The following SUPT20H variants were observed in gnomAD, a reference collection of about 807,000 sequenced individuals.
SUPT20H encodes the protein transcription factor SPT20 homolog.
A neutral mutation model predicts 122.8 loss-of-function variants in SUPT20H; 82 were observed. The ratio of observed to expected loss-of-function variants is 0.67; its 90% CI spans 0.56 to 0.80. The LOEUF (loss-of-function observed/expected upper bound fraction) is 0.80, where lower values mean the gene tolerates loss of function less well. Among genes scored for constraint, SUPT20H ranks in the 30% least tolerant of loss-of-function variants. The pLI is 0.00. For synonymous variants in SUPT20H, 291 were observed against 313.0 expected (o/e 0.93, Z 0.74); for missense variants, 831 against 921.6 (o/e 0.90, Z 1.27).
At chr13:37,030,946 G>A (rs2063189069) in intron 12 of SUPT20H, among the ~76,000 whole-genome samples, 1 of 151,970 alleles carries the variant, frequency 6.6e-6, no homozygotes, top group Non-Finnish European at 1.5e-5. Flanking sequence ...CATGGAAAGG[G>A]TGCAACAGAA....
At chr13:37,021,631 C>G in intron 20 of SUPT20H, 29 bp from the exon 21 acceptor site, 1 of 1,575,000 alleles carries the variant, frequency 6.3e-7, no homozygotes, top group Non-Finnish European at 8.6e-7. Context: ...AAGCATTAAA[C>G]TTCACTGTAA....
chr13:37,038,771 A>T (rs2064957699), intron 9 of SUPT20H: 1 of 152,228 alleles, frequency 6.6e-6, no homozygotes, highest in South Asian at 2.1e-4. Context: ...ACCAAAATAA[A>T]CATGTACTAA....
At chr13:37,027,168 C>A (rs1378796769) in intron 14 of SUPT20H, among the ~76,000 whole-genome samples, 1 of 151,918 alleles carries the variant, frequency 6.6e-6, no homozygotes, top group Non-Finnish European at 1.5e-5. Context: ...ATGGGATCAG[C>A]AGACACCCAC....
chr13:37,059,011 G>T (rs934387257), intron 1 of SUPT20H, among the ~76,000 whole-genome samples: 4 of 152,138 alleles, frequency 2.6e-5, no homozygotes, highest in African/African-American at 2.4e-5. Context: ...CAGTGGCTAC[G>T]GGAGATGGCT....
In SUPT20H at chr13:37,022,245, C is replaced by A; in HGVS notation, c.1592-165G>T. 1 of 1,546,518 alleles carries A rather than the reference C, an allele frequency of 6.5e-7. No individual in the cohort carries two copies. The highest frequency in any genetic ancestry group is 8.7e-7 in the Non-Finnish European group (1 of 1,144,954). On this transcript the variant is annotated intron_variant, in intron 19 of 25. Transcript: ENST00000350612. The surrounding 1 kb of genome is among the most constrained non-coding windows in gnomAD (Gnocchi z 4.5). ...GGCTGAAGGGGTACTAGGAGTTGAG[C>A]TCTGAGCATCAGGAGGGTGTGGGGT... is the stretch of plus-strand genomic sequence containing the variant.
At chr13:37,021,779 T>C (rs1031018640) in intron 20 of SUPT20H, among the ~76,000 whole-genome samples, 177 bp from the exon 21 acceptor site, 21 of 152,158 alleles carry the variant, frequency 1.4e-4, no homozygotes, top group African/African-American at 5.1e-4. Flanking sequence ...GCTGTCAAGA[T>C]GAAGTATCAA....
At chr13:37,021,336 C>T in intron 21 of SUPT20H, 112 bp downstream of exon 21, 3 of 1,135,846 alleles carry the variant, frequency 2.6e-6, no homozygotes, top group Non-Finnish European at 3.5e-6. Context: ...TGTGATACAA[C>T]ACTTCATGAA....
intron 6 of SUPT20H, 104 bp from the exon 7 acceptor site, chr13:37,044,285 C>A: frequency 1.3e-6 from 1 of 765,114 alleles, no homozygotes. Context: ...AACCAAAAGG[C>A]ATTTCAACCA....
intron 13 of SUPT20H, 121 bp from the exon 14 acceptor site, chr13:37,028,426 CT>C: frequency 1.1e-6 from 1 of 897,472 alleles, no homozygotes. Flanking sequence ...ACACACAGCA[CT>C]TAGGCTACAA....
chr13:37,014,138 AAAAG>A (rs1476750830), intron 23 of SUPT20H, among the ~76,000 whole-genome samples: 4 of 152,136 alleles, frequency 2.6e-5, no homozygotes, highest in African/African-American at 9.6e-5. Context: ...AACGTTAATC[AAAAG>A]AAAGAAACAA....
chr13:37,054,234 T>A (rs1165492940), intron 1 of SUPT20H, among the ~76,000 whole-genome samples: 2 of 152,042 alleles, frequency 1.3e-5, no homozygotes, highest in Non-Finnish European at 2.9e-5. Flanking sequence ...TTCCAATCAA[T>A]GGAAAAAGAG....
chr13:37,031,845 G>A lies in SUPT20H; in HGVS notation c.758C>T (p.Ser253Phe), dbSNP rs2063389875. ...RSSLNRQQDL[S>F]HCPPPPQLRL... is the part of the protein sequence containing the mutation. ...CAGCTGAGGAGGAGGTGGACAATGA[G>A]ATAGATCTTGCTGCCGATTCAGAGA... The change falls in exon 11 of 26, where the codon TCT (serine) becomes TTT (phenylalanine). Residue 253 changes from serine (S) to phenylalanine (F), a missense_variant. Coordinates refer to ENST00000350612, the MANE Select transcript of SUPT20H (RefSeq NM_001014286.3). 3.1e-6 allele frequency: 5 copies of A among 1,606,170 alleles called. No homozygotes were observed. The East Asian group carries it at 1.1e-4, about 36-fold the overall frequency.
chr13:37,033,850 G>C (rs1277434558), intron 9 of SUPT20H, among the ~76,000 whole-genome samples: 2 of 152,180 alleles, frequency 1.3e-5, no homozygotes, highest in Non-Finnish European at 2.9e-5. Flanking sequence ...TTGAAGATCT[G>C]TGGCAATTTT....
At chr13:37,036,865 C>A (rs1417108285) in intron 9 of SUPT20H, among the ~76,000 whole-genome samples, 2 of 151,982 alleles carry the variant, frequency 1.3e-5, no homozygotes, top group Non-Finnish European at 1.5e-5. Context: ...ACAGTTAATT[C>A]TAAGAATACA....
intron 2 of SUPT20H, among the ~76,000 whole-genome samples, chr13:37,050,051 A>G (rs1251910621): frequency 6.6e-6 from 1 of 152,172 alleles, no homozygotes; most frequent in Non-Finnish European, 1.5e-5. Flanking sequence ...CTTTTAAGTG[A>G]CCACCTAGTC....
chr13:37,016,429 CAA>C (rs66581438), intron 23 of SUPT20H, among the ~76,000 whole-genome samples: 257 of 139,700 alleles, frequency 1.8e-3, no homozygotes, highest in East Asian at 5.1e-3. Flanking sequence ...GACTCTGTCT[CAA>C]AAAAAAAAAA....
chr13:37,021,023 G>A (rs2061392357), intron 21 of SUPT20H, among the ~76,000 whole-genome samples: 2 of 52,614 alleles, frequency 3.8e-5, no homozygotes, highest in Admixed American at 5.1e-4. Flanking sequence ...ACTTTCTCAA[G>A]ATGACACAAA....
chr13:37,020,596 C>T (rs561023890), intron 21 of SUPT20H, among the ~76,000 whole-genome samples: 3 of 152,188 alleles, frequency 2.0e-5, no homozygotes, highest in Admixed American at 1.3e-4. Flanking sequence ...CAGGACTTCT[C>T]GCACTAAGGC....
At chr13:37,010,448 A>G in intron 25 of SUPT20H, 104 bp downstream of exon 25, 2 of 1,001,808 alleles carry the variant, frequency 2.0e-6, no homozygotes, top group Non-Finnish European at 3.0e-6. Context: ...CAATTACTGT[A>G]CAGTCTTAAA....
Sources: allele counts gnomAD v4.1 joint callset (sites outside exome capture counted in the v4.1 genomes callset), GRCh38; gene constraint gnomAD v4.1.1; non-coding constraint Gnocchi (gnomAD v3.1); transcripts MANE v1.5; gene names NCBI Gene and HGNC (gene_info 2026-07-23, HGNC 2026-07-21).